FNIP1: variants seen among roughly 807,000 people sequenced by gnomAD.
FNIP1 encodes folliculin interacting protein 1, also known as folliculin-interacting protein 1.
Under a neutral mutation model 124.5 loss-of-function variants are expected in FNIP1, and 40 were observed. The ratio of observed to expected loss-of-function variants is 0.32; its 90% confidence interval spans 0.25 to 0.42. The LOEUF is 0.42. Ranked by LOEUF, FNIP1 falls within the 10% of genes least tolerant of loss-of-function variation. The pLI, the probability that FNIP1 is intolerant of heterozygous loss-of-function variation, is 1.00. For synonymous variants in FNIP1, 472 were observed against 470.6 expected (o/e 1.00, Z -0.04); for missense variants, 1,176 against 1,403.7 (o/e 0.84, Z 2.59).
chr5:131,691,608 G>A (rs1231981097), intron 11 of FNIP1, among the ~76,000 whole-genome samples: 1 of 151,888 alleles, frequency 6.6e-6, no homozygotes, highest in African/African-American at 2.4e-5. Context: ...AACACAAAAA[G>A]ACACAAATTA....
At chr5:131,729,674 C>G (rs931533197) in intron 3 of FNIP1, among the ~76,000 whole-genome samples, 3 of 152,166 alleles carry the variant, frequency 2.0e-5, no homozygotes, top group Non-Finnish European at 4.4e-5. Flanking sequence ...AACTTCTGGG[C>G]TCAAGCAATC....
At chr5:131,724,081 T>C (rs1769769216) in intron 3 of FNIP1, among the ~76,000 whole-genome samples, 2 of 152,240 alleles carry the variant, frequency 1.3e-5, no homozygotes, top group South Asian at 4.1e-4. Flanking sequence ...AGTGTATATG[T>C]GCCACATTTT....
intron 10 of FNIP1, 63 bp downstream of exon 10, chr5:131,704,002 T>C: frequency 7.5e-7 from 1 of 1,339,798 alleles, no homozygotes; most frequent in Non-Finnish European, 1.0e-6. Context: ...TTAATAAATA[T>C]AATGCTTAAT....
At chr5:131,755,854 T>C (rs1771033873) in intron 1 of FNIP1, among the ~76,000 whole-genome samples, 1 of 151,722 alleles carries the variant, frequency 6.6e-6, no homozygotes, top group African/African-American at 2.4e-5. Flanking sequence ...ACTAAAAATA[T>C]AAAAATTAGT....
chr5:131,682,821 T>C (rs543824642), intron 11 of FNIP1, among the ~76,000 whole-genome samples: 1 of 152,232 alleles, frequency 6.6e-6, no homozygotes, highest in East Asian at 1.9e-4. Context: ...GCAAATACTT[T>C]CAGTAATCTG....
intron 3 of FNIP1, among the ~76,000 whole-genome samples, chr5:131,726,035 G>T (rs1029456703): frequency 2.6e-5 from 4 of 152,098 alleles, no homozygotes; most frequent in African/African-American, 7.2e-5. Flanking sequence ...TGCATCCCAG[G>T]GACAAAGGCG....
chr5:131,694,075 T>C (rs932662632), intron 11 of FNIP1, among the ~76,000 whole-genome samples: 8 of 152,290 alleles, frequency 5.3e-5, no homozygotes, highest in African/African-American at 1.9e-4. Context: ...CCATATCAAA[T>C]GCTGACAAGG....
intron 15 of FNIP1, 82 bp downstream of exon 15, chr5:131,670,381 C>G: frequency 7.8e-7 from 1 of 1,281,890 alleles, no homozygotes; most frequent in South Asian, 1.7e-5. Flanking sequence ...AAAAGTATGA[C>G]CAAAAATATA....
chr5:131,716,685 C>A, intron 5 of FNIP1, 29 bp from the exon 6 acceptor site: 1 of 1,394,340 alleles, frequency 7.2e-7, no homozygotes, highest in Non-Finnish European at 9.9e-7. Flanking sequence ...AAATTAATTC[C>A]AAATTCATTT....
chr5:131,704,000 T>C (rs1768989227), intron 10 of FNIP1, 65 bp downstream of exon 10: 7 of 1,333,416 alleles, frequency 5.2e-6, no homozygotes, highest in East Asian at 2.5e-5. Context: ...AATTAATAAA[T>C]ATAATGCTTA....
intron 15 of FNIP1, among the ~76,000 whole-genome samples, chr5:131,653,779 CA>C (rs1767113236): frequency 6.6e-6 from 1 of 152,034 alleles, no homozygotes; most frequent in Non-Finnish European, 1.5e-5. Flanking sequence ...ACTCTGTCAC[CA>C]GCCTAGGCTG....
chr5:131,696,432 T>C (rs1028437736), intron 11 of FNIP1, among the ~76,000 whole-genome samples: 2 of 152,058 alleles, frequency 1.3e-5, no homozygotes, highest in Non-Finnish European at 2.9e-5. Context: ...AGAGTGAAGA[T>C]GCCAGTAAAC....
At chr5:131,719,477 T>C in intron 3 of FNIP1, 60 bp from the exon 4 acceptor site, 2 of 1,450,576 alleles carry the variant, frequency 1.4e-6, no homozygotes, top group Non-Finnish European at 1.9e-6. Context: ...CTATTTCATA[T>C]GTTGATTTTT....
intron 11 of FNIP1, among the ~76,000 whole-genome samples, chr5:131,698,378 A>G (rs1212197477): frequency 6.6e-6 from 1 of 152,220 alleles, no homozygotes; most frequent in Non-Finnish European, 1.5e-5. Context: ...CATTTGTAGT[A>G]TGTATGTCAC....
intron 1 of FNIP1, among the ~76,000 whole-genome samples, chr5:131,756,735 G>C (rs757060867): frequency 1.3e-5 from 2 of 152,154 alleles, no homozygotes; most frequent in Non-Finnish European, 1.5e-5. Context: ...ATAAAAAGCA[G>C]CGGTCAAGCA....
intron 11 of FNIP1, among the ~76,000 whole-genome samples, chr5:131,693,246 T>C (rs1008651063): frequency 1.4e-5 from 2 of 141,640 alleles, no homozygotes; most frequent in African/African-American, 5.2e-5. Context: ...GATACACAAT[T>C]TTTACCTGTC....
chr5:131,671,741 A>T lies in FNIP1; in HGVS notation c.2703T>A (p.Pro901=), dbSNP rs1264673550. The T allele has an allele frequency of 6.2e-7, 1 of 1,614,150 alleles. No homozygotes were observed. The highest frequency in any genetic ancestry group is 8.5e-7 in the Non-Finnish European group (1 of 1,180,002). The change falls in exon 14 of 18, where the codon CCT becomes CCA. Residue 901 remains proline, a synonymous_variant. Coordinates refer to ENST00000510461, the MANE Select transcript of FNIP1 (RefSeq NM_133372.3). Reference sequence around the variant, plus strand: ...AGAGTGTATCTCTTTGGTCCTGCTGAGGAAAGCAGGTTTTACATGAATCTT... The same window carrying T: ...AGAGTGTATCTCTTTGGTCCTGCTGTGGAAAGCAGGTTTTACATGAATCTT... ...VPQDSCKTCF[P]QQDQRDTLSI...
chr5:131,793,491 T>C (rs1265721155), intron 1 of FNIP1, among the ~76,000 whole-genome samples: 1 of 152,198 alleles, frequency 6.6e-6, no homozygotes, highest in African/African-American at 2.4e-5. Flanking sequence ...GTCTCAATTC[T>C]ATAAATGACT....
Position 131,679,060 on chromosome 5 carries a change from T to C in FNIP1, c.1318A>G (p.Thr440Ala). The C allele has an allele frequency of 1.2e-6, 2 of 1,611,684 alleles. No individual in the cohort carries two copies. The highest frequency in any genetic ancestry group is 1.7e-6 in the Non-Finnish European group (2 of 1,179,086). ...TTGGAAGCATTTTCCATTAGAAAGG[T>C]GAACTCCTTCATGAAACGATAGCAA... Reference protein sequence around the residue: ...HLCYRFMKEFTFLMENASKNQ... With the variant: ...HLCYRFMKEFAFLMENASKNQ... Residue 440 changes from threonine (T) to alanine (A), a missense_variant, in exon 12 of 18, where the codon ACC becomes GCC. Physicochemically the swap from Thr to Ala is moderately conservative, Grantham distance 58. Around this residue, in one of 2 missense-constraint regions of FNIP1, gnomAD observed 1,109 missense variants for 1,288.5 expected, o/e 0.86. Transcript: ENST00000510461.
Sources: allele counts gnomAD v4.1 joint callset (sites outside exome capture counted in the v4.1 genomes callset), GRCh38; gene constraint gnomAD v4.1.1; regional missense constraint gnomAD v4.1.1; transcripts MANE v1.5; gene names NCBI Gene and HGNC (gene_info 2026-07-23, HGNC 2026-07-21).